Variants in CLVS1 observed in about 807,000 individuals in gnomAD.
The protein encoded by CLVS1 is clavesin-1.
Under a neutral mutation model 33.1 loss-of-function variants are expected in CLVS1, and 10 were observed. The observed-to-expected ratio is 0.30, with a 90% CI of 0.19 to 0.51. The LOEUF (loss-of-function observed/expected upper bound fraction) is 0.51. CLVS1 is among the 20% of genes least tolerant of loss of function. CLVS1 has a pLI of 0.97. For missense variants in CLVS1, 343 were observed against 433.4 expected, an observed-to-expected ratio of 0.79 and a Z score of 1.85; for synonymous variants, 163 against 166.1, an observed-to-expected ratio of 0.98 and a Z score of 0.14.
the CLVS1 span, among the ~76,000 whole-genome samples, chr8:61,014,092 T>G: frequency 2.0e-5 from 3 of 151,764 alleles, no homozygotes; most frequent in African/African-American, 4.8e-5. Flanking sequence ...AGTGTTTTTT[T>G]TTTTTTTTTT....
At chr8:61,244,673 T>C (rs1808770979) in intron 2 of CLVS1, among the ~76,000 whole-genome samples, 1 of 152,192 alleles carries the variant, frequency 6.6e-6, no homozygotes, top group South Asian at 2.1e-4. Flanking sequence ...TCATTAATTG[T>C]AAAAAATGAG....
chr8:61,089,485 T>G (rs1805190125), intron 1 of CLVS1, among the ~76,000 whole-genome samples: 1 of 152,194 alleles, frequency 6.6e-6, no homozygotes, highest in African/African-American at 2.4e-5. Flanking sequence ...GTTTATTATT[T>G]TTTTCCTATA....
At chr8:61,337,731 A>G (rs1811857334) in intron 2 of CLVS1, among the ~76,000 whole-genome samples, 1 of 152,236 alleles carries the variant, frequency 6.6e-6, no homozygotes, top group African/African-American at 2.4e-5. Context: ...GAGGAAACTG[A>G]ACACCAGAAT....
chr8:61,102,217 C>T (rs1805463324), intron 1 of CLVS1, among the ~76,000 whole-genome samples: 1 of 152,128 alleles, frequency 6.6e-6, no homozygotes, highest in Admixed American at 6.5e-5. Context: ...TAGTCTTTGT[C>T]TTCCAATTCA....
At chr8:61,156,795 T>C (rs1272804957) in intron 2 of CLVS1, among the ~76,000 whole-genome samples, 1 of 152,134 alleles carries the variant, frequency 6.6e-6, no homozygotes, top group Admixed American at 6.5e-5. Context: ...AATAGGAAAA[T>C]AAAAATTGGT....
chr8:61,243,481 A>T (rs918940377), intron 2 of CLVS1, among the ~76,000 whole-genome samples: 1 of 152,272 alleles, frequency 6.6e-6, no homozygotes, highest in African/African-American at 2.4e-5. Context: ...AGCCTGAAAT[A>T]TGCAGGTTTT....
At chr8:61,404,522 T>C (rs904741217) in intron 3 of CLVS1, among the ~76,000 whole-genome samples, 23 of 152,204 alleles carry the variant, frequency 1.5e-4, no homozygotes, top group African/African-American at 5.5e-4. Context: ...TTATTTCACA[T>C]TGTAAGAGCT....
chr8:61,325,831 C>T (rs28499507), intron 2 of CLVS1, among the ~76,000 whole-genome samples: 1 of 151,944 alleles, frequency 6.6e-6, no homozygotes, highest in Non-Finnish European at 1.5e-5. Flanking sequence ...CCTTATACCC[C>T]TCCTCTAAAG....
At chr8:61,457,007 A>G (rs1214314162) in intron 4 of CLVS1, among the ~76,000 whole-genome samples, 1 of 150,974 alleles carries the variant, frequency 6.6e-6, no homozygotes, top group Non-Finnish European at 1.5e-5. Context: ...GCGTGATCTC[A>G]GCCCACTGCA....
intron 3 of CLVS1, among the ~76,000 whole-genome samples, chr8:61,442,059 T>C (rs960983956): frequency 1.3e-5 from 2 of 152,188 alleles, no homozygotes; most frequent in East Asian, 3.8e-4. Context: ...CATGTTACCC[T>C]TTTATAGGCA....
At chr8:61,287,710 T>G (rs1182354466), upstream of CLVS1, among the ~76,000 whole-genome samples, 4 of 152,182 alleles carry the variant, frequency 2.6e-5, no homozygotes. Flanking sequence ...TTTGTGATAC[T>G]TTCTTACCTG....
chr8:61,229,528 T>C (rs1808390355), intron 2 of CLVS1, among the ~76,000 whole-genome samples: 1 of 152,188 alleles, frequency 6.6e-6, no homozygotes, highest in African/African-American at 2.4e-5. Context: ...AAAGCCCCCA[T>C]GCATGACACT....
chr8:61,234,989 A>G (rs1475464108), intron 2 of CLVS1, among the ~76,000 whole-genome samples: 2 of 152,192 alleles, frequency 1.3e-5, no homozygotes, highest in African/African-American at 4.8e-5. Context: ...GATCATTGTC[A>G]TCCCAAACAA....
chr8:61,302,304 C>A (rs573275380), intron 2 of CLVS1, among the ~76,000 whole-genome samples: 58 of 152,292 alleles, frequency 3.8e-4, no homozygotes, highest in South Asian at 1.9e-3. Context: ...TATATCATAT[C>A]ATAATTAACA....
chr8:61,074,109 G>A (rs12547986), intron 1 of CLVS1, among the ~76,000 whole-genome samples: 57,998 of 150,878 alleles, frequency 0.38, 11,692 homozygotes, highest in East Asian at 0.67. Context: ...AGGCCAAGGC[G>A]GAAGCATGGC....
Position 61,300,356 on chromosome 8 carries a change from G to A in CLVS1, c.455+74G>A. On this transcript the variant is annotated intron_variant, in intron 2 of 5. Coordinates refer to ENST00000325897, the MANE Select transcript of CLVS1 (RefSeq NM_173519.3). ...ATCACTGCATGTTTGGGGTTGTATG[G>A]CTTTATATGTAATGGGCTTTCATTA... is the stretch of plus-strand genomic sequence containing the variant. 4 of 1,262,318 alleles carry A rather than the reference G, an allele frequency of 3.2e-6. No homozygotes were observed. The South Asian group carries it at 6.0e-5, about 19-fold the overall frequency. 78.2% of individuals were successfully genotyped at this position (1,262,318 alleles called of 1,614,324 possible). A position where few individuals can be genotyped will look rare whatever the true frequency, so the allele number is the denominator to read the frequency against.
At chr8:61,085,251 TG>T (rs1805096595) in intron 1 of CLVS1, among the ~76,000 whole-genome samples, 1 of 152,238 alleles carries the variant, frequency 6.6e-6, no homozygotes, top group Non-Finnish European at 1.5e-5. Context: ...GTAATAAATA[TG>T]TGTGACTTAT....
chr8:61,325,300 G>A lies in CLVS1; in HGVS notation c.455+25018G>A, dbSNP rs147954523. 2.8e-3 allele frequency among the ~76,000 whole-genome samples: 425 copies of A among 152,092 alleles called. 3 individuals are homozygous for A. Among genetic ancestry groups the A allele is most frequent in the East Asian group, 0.015 (79 of 5,170 alleles). On this transcript the variant is annotated intron_variant, in intron 2 of 5. Transcript: ENST00000325897. ...GTGGTAATCATTTCACAATGTATAC[G>A]TATATCAAATTATCATCTGTACACC...
chr8:61,222,679 A>C (rs1474706384), intron 2 of CLVS1, among the ~76,000 whole-genome samples: 1 of 152,220 alleles, frequency 6.6e-6, no homozygotes, highest in Non-Finnish European at 1.5e-5. Context: ...AGTTCGGTAG[A>C]CATCTACTAG....
Sources: allele counts gnomAD v4.1 joint callset (sites outside exome capture counted in the v4.1 genomes callset), GRCh38; gene constraint gnomAD v4.1.1; transcripts MANE v1.5; gene names NCBI Gene and HGNC (gene_info 2026-07-23, HGNC 2026-07-21).